Variants in PPL observed in about 807,000 individuals in gnomAD.
The protein encoded by PPL is periplakin.
PPL carries 198 observed loss-of-function variants against 194.4 expected under a neutral mutation model. The ratio of observed to expected loss-of-function variants is 1.02; its 90% CI spans 0.91 to 1.15. PPL has a LOEUF of 1.15. Ranked by LOEUF, PPL falls within the 50% of genes most tolerant of loss-of-function variation. The pLI, the probability that PPL is intolerant of heterozygous loss-of-function variation, is 0.00. For synonymous variants in PPL, 1,220 were observed against 972.4 expected (o/e 1.25, Z -4.74); for missense variants, 2,885 against 2,294.8 (o/e 1.26, Z -5.25).
At chr16:4,893,885 C>T in intron 12 of PPL, 1 of 560,278 alleles carries the variant, frequency 1.8e-6, no homozygotes. Flanking sequence ...TAATCACCAC[C>T]AAGATGTTAC....
intron 2 of PPL, among the ~76,000 whole-genome samples, chr16:4,909,869 T>C (rs1047062316): frequency 3.3e-5 from 5 of 152,236 alleles, no homozygotes; most frequent in African/African-American, 1.2e-4. Flanking sequence ...TTCCTGCTAC[T>C]AAAACATGAT....
intron 19 of PPL, 129 bp downstream of exon 19, chr16:4,888,849 G>T: frequency 1.2e-6 from 1 of 860,640 alleles, no homozygotes; most frequent in South Asian, 1.4e-5. Context: ...TTGCACAGCA[G>T]CCGGCAGTGC....
chr16:4,893,233 C>T lies in PPL; in HGVS notation c.1630G>A (p.Glu544Lys), dbSNP rs139608681. The part of the protein sequence containing the change: ...EQGRAVQDSA[E>K]RAKDLKNITN... ...GGTACCTTGAGGTCCTTGGCCCGCT[C>T]GGCACTGTCCTGCACAGCCCGGCCT... is the stretch of plus-strand genomic sequence containing the variant. The change falls in exon 14 of 22, where the codon GAG becomes AAG. Residue 544 changes from glutamate to lysine, a missense_variant. Glu to Lys is a moderately conservative substitution (Grantham distance 56). Coordinates refer to ENST00000345988, the MANE Select transcript of PPL (RefSeq NM_002705.5). 1,308 of 1,580,248 alleles carry T rather than the reference C, an allele frequency of 8.3e-4. 2 individuals carry two copies. The highest frequency in any genetic ancestry group is 9.5e-4 in the Non-Finnish European group (1,111 of 1,167,558).
At chr16:4,907,719 C>T (rs565389915) in intron 2 of PPL, among the ~76,000 whole-genome samples, 63 of 151,772 alleles carry the variant, frequency 4.2e-4, no homozygotes, top group African/African-American at 1.4e-3. Context: ...AATCTCCCCT[C>T]AATTAAAAAA....
At chr16:4,894,716 C>G (rs2088387250) in intron 11 of PPL, 98 bp from the exon 12 acceptor site, 1 of 1,401,264 alleles carries the variant, frequency 7.1e-7, no homozygotes, top group African/African-American at 1.4e-5. Context: ...CCTGGGGAGC[C>G]CCGGCTCATC....
chr16:4,928,330 G>C (rs972673249), intron 1 of PPL, among the ~76,000 whole-genome samples: 7 of 152,240 alleles, frequency 4.6e-5, no homozygotes, highest in Non-Finnish European at 7.3e-5. Flanking sequence ...AGGCCTCCCA[G>C]AGTGTTGGGA....
intron 1 of PPL, among the ~76,000 whole-genome samples, chr16:4,917,701 G>A (rs902709648): frequency 6.6e-6 from 1 of 152,054 alleles, no homozygotes; most frequent in Non-Finnish European, 1.5e-5. Flanking sequence ...AGGAGTTTGA[G>A]AGCAGCCCGG....
At chr16:4,912,727 C>CTG (rs1307168849) in intron 1 of PPL, among the ~76,000 whole-genome samples, 2 of 152,254 alleles carry the variant, frequency 1.3e-5, no homozygotes, top group African/African-American at 4.8e-5. Flanking sequence ...TGACACTGGG[C>CTG]TGCCCGCTGT....
At position 4,921,776 on chromosome 16, in the gene PPL, A is replaced by G. The variant is rs186025123; in HGVS notation, c.63-10827T>C. 5.3e-5 allele frequency among the ~76,000 whole-genome samples: 8 copies of G among 152,142 alleles called. No individual in the cohort carries two copies. The East Asian group carries it at 1.6e-3, about 30-fold the overall frequency. On this transcript the variant is annotated intron_variant, in intron 1 of 21. Coordinates refer to ENST00000345988, the MANE Select transcript of PPL (RefSeq NM_002705.5). ...ACCACTGTGCCTGGCCCCAGCCTGCATTAGAGGTGGCAACTCGAGGCTGAG... is the reference window on the plus strand; with the variant it reads ...ACCACTGTGCCTGGCCCCAGCCTGCGTTAGAGGTGGCAACTCGAGGCTGAG...
At position 4,899,213 on chromosome 16, in the gene PPL, C is replaced by G. The variant is rs1354298473; in HGVS notation, c.768+10G>C. The G allele has an allele frequency of 3.7e-6, 6 of 1,613,722 alleles. No individual in the cohort carries two copies. Among genetic ancestry groups the G allele is most frequent in the Non-Finnish European group, 5.1e-6 (6 of 1,179,862 alleles). ...CCTCCTCCCTGATGCCCCAGGCCCC[C>G]AGAACCCACCTCATACTGGCGCCGG... On this transcript the variant is annotated intron_variant, in intron 7 of 21. Transcript: ENST00000345988.
Position 4,897,785 on chromosome 16 carries a change from A to G in PPL, c.877-15T>C. Reference sequence around the variant, plus strand: ...TCCATGTGCGCCTGCCAGGAAGAGAAGGGGCCGGTCACCACTGGGCAGGTA... The same window carrying G: ...TCCATGTGCGCCTGCCAGGAAGAGAGGGGGCCGGTCACCACTGGGCAGGTA... On this transcript the variant is annotated splice_polypyrimidine_tract_variant and intron_variant, in intron 8 of 21. Transcript: ENST00000345988. 1 of 1,609,814 alleles carries G rather than the reference A, an allele frequency of 6.2e-7. No homozygotes were observed. Among genetic ancestry groups the G allele is most frequent in the East Asian group, 2.2e-5 (1 of 44,858 alleles).
intron 1 of PPL, among the ~76,000 whole-genome samples, chr16:4,933,683 T>C (rs548508644): frequency 1.8e-4 from 28 of 152,294 alleles, no homozygotes; most frequent in Admixed American, 5.9e-4. Flanking sequence ...CCGACGCTCA[T>C]GTAACCATAC....
rs1388193374 is a variant in PPL, at chr16:4,937,110, AGCGCAGGTGAGCGAGCGGCG to A, written c.-85_-66del. On this transcript the variant is annotated 5_prime_UTR_variant, in exon 1 of 22. Transcript: ENST00000345988. ...GGGCGCGCACCGAGGGGCGGGCGGG[AGCGCAGGTGAGCGAGCGGCG>A]GCGCGGGGAGCCCGGACTGCGGCGC... The A allele has an allele frequency of 2.1e-4, 226 of 1,086,714 alleles. No individual in the cohort carries two copies. Among genetic ancestry groups the A allele is most frequent in the Non-Finnish European group, 2.4e-4 (211 of 884,226 alleles). The allele number at this position is 1,086,714 out of a possible 1,614,324, so 67.3% of individuals were successfully genotyped here.
In PPL at chr16:4,894,890, G is replaced by C. The variant is rs528306538; in HGVS notation, c.1243-272C>G. ...CCATTCCCAAGCTCCAGATGGACATGTGACTTGGACCTGGCCAATGACTGG... is the reference window on the plus strand; with the variant it reads ...CCATTCCCAAGCTCCAGATGGACATCTGACTTGGACCTGGCCAATGACTGG... On this transcript the variant is annotated intron_variant, in intron 11 of 21. Transcript: ENST00000345988. Among the ~76,000 whole-genome samples, 4 of 152,324 alleles carry C rather than the reference G, an allele frequency of 2.6e-5. No homozygotes were observed. The East Asian group carries it at 7.7e-4, about 29-fold the overall frequency.
chr16:4,889,242 T>G (rs200809589), intron 18 of PPL, among the ~76,000 whole-genome samples, 181 bp from the exon 19 acceptor site: 2,288 of 9,300 alleles, frequency 0.25, 313 homozygotes, highest in Middle Eastern at 0.4. Context: ...GTTGTTGTTG[T>G]TTTTTTTTTT....
At chr16:4,891,224 G>A (rs1226444924) in intron 16 of PPL, among the ~76,000 whole-genome samples, 1 of 152,204 alleles carries the variant, frequency 6.6e-6, no homozygotes, top group Non-Finnish European at 1.5e-5. Context: ...CAAGTCGTGA[G>A]ATGGGAGTGT....
At position 4,899,371 on chromosome 16, in the gene PPL, G is replaced by A. The variant is rs777772453; in HGVS notation, c.620C>T (p.Ala207Val). Residue 207 changes from alanine to valine, a missense_variant, in exon 7 of 22, where the codon GCC becomes GTC. Ala to Val is a moderately conservative substitution (Grantham distance 64, BLOSUM62 0). Coordinates refer to ENST00000345988, the MANE Select transcript of PPL (RefSeq NM_002705.5). ...KYQKLLAASQ[A>V]RQQHLSSLQD... is the part of the protein sequence containing the mutation. ...CAGCGAACTCAGGTGCTGCTGCCGG[G>A]CCTGTGATGCTGCCTGAAGGGGCCG... 1.9e-6 allele frequency: 3 copies of A among 1,607,590 alleles called. No individual in the cohort carries two copies. Among genetic ancestry groups the A allele is most frequent in the Admixed American group, 1.7e-5 (1 of 59,828 alleles).
At position 4,895,419 on chromosome 16, in the gene PPL, G is replaced by A. The variant is rs780861273; in HGVS notation, c.1096-12C>T. On this transcript the variant is annotated splice_polypyrimidine_tract_variant and intron_variant, in intron 10 of 21. Coordinates refer to ENST00000345988, the MANE Select transcript of PPL (RefSeq NM_002705.5). ...ACCTTCTCCTGGTCCTGGAGAGAAC[G>A]GGGTCAGGGGCCCAGGTGAGACCAA... The A allele has an allele frequency of 9.9e-6, 16 of 1,611,496 alleles. 1 individual carries two copies. Among genetic ancestry groups the A allele is most frequent in the Admixed American group, 1.7e-5 (1 of 59,764 alleles).
chr16:4,885,067 C>G lies in PPL; in HGVS notation c.3588G>C (p.Val1196=), dbSNP rs749080966. The G allele has an allele frequency of 6.2e-7, 1 of 1,613,748 alleles. No individual in the cohort carries two copies. The highest frequency in any genetic ancestry group is 1.3e-5 in the African/African-American group (1 of 75,040). The change falls in exon 22 of 22, where the codon GTG becomes GTC. Residue 1196 remains valine, a synonymous_variant. Coordinates refer to ENST00000345988, the MANE Select transcript of PPL (RefSeq NM_002705.5). The surrounding 1 kb of genome is among the most constrained non-coding windows in gnomAD (Gnocchi z 6.3). ...CACCCCGGTACTTTCGCTCCTGCTC[C>G]ACAAGCTCCAGGCGGAGGTTCGCCA... ...SEVANLRLEL[V]EQERKYRGAE... is the part of the protein sequence containing the mutation.
Sources: allele counts gnomAD v4.1 joint callset (sites outside exome capture counted in the v4.1 genomes callset), GRCh38; gene constraint gnomAD v4.1.1; non-coding constraint Gnocchi (gnomAD v3.1); transcripts MANE v1.5; gene names NCBI Gene and HGNC (gene_info 2026-07-23, HGNC 2026-07-21).